Variants in IFT27 observed in about 807,000 individuals in gnomAD.
IFT27 encodes the protein intraflagellar transport 27, also known as intraflagellar transport protein 27 homolog.
IFT27 carries 19 observed loss-of-function variants against 23.9 expected under a neutral mutation model. The ratio of observed to expected loss-of-function variants is 0.79; its 90% CI spans 0.55 to 1.16. The LOEUF is 1.16. IFT27 is among the 50% of genes most tolerant of loss of function. The pLI, the probability that IFT27 is intolerant of heterozygous loss-of-function variation, is 0.00. For missense variants in IFT27, 206 were observed against 228.7 expected, an observed-to-expected ratio of 0.90 and a Z score of 0.64; for synonymous variants, 91 against 89.1, an observed-to-expected ratio of 1.02 and a Z score of -0.12.
rs536982734 is a variant in IFT27, at chr22:36,762,734, C to T, written c.462+170G>A. ...GATCTGCTTTCCTGTTATGTCTGAG[C>T]AGCTACTGCTATACTGAGAAGAGAT... is the stretch of plus-strand genomic sequence containing the variant. On this transcript the variant is annotated intron_variant, in intron 6 of 6. Transcript: ENST00000433985. 110 of 426,514 alleles carry T rather than the reference C, an allele frequency of 2.6e-4. 3 individuals carry two copies. In the South Asian group the frequency reaches 1.0e-2, roughly 39 times the overall value. 26.4% of individuals were successfully genotyped at this position (426,514 alleles called of 1,614,324 possible).
At chr22:36,773,844 G>A (rs1938440182) in intron 1 of IFT27, among the ~76,000 whole-genome samples, 1 of 152,080 alleles carries the variant, frequency 6.6e-6, no homozygotes, top group Non-Finnish European at 1.5e-5. Context: ...CTGTAAATGA[G>A]GATGGCAATA....
intron 6 of IFT27, chr22:36,761,267 G>A (rs995390965): frequency 6.6e-6 from 1 of 152,162 alleles, no homozygotes; most frequent in African/African-American, 2.4e-5. Flanking sequence ...GGAATATTGG[G>A]GTGCAGGGAC....
intron 1 of IFT27, among the ~76,000 whole-genome samples, chr22:36,775,382 C>T (rs926898686): frequency 1.3e-4 from 20 of 152,190 alleles, no homozygotes; most frequent in African/African-American, 4.3e-4. Flanking sequence ...TTTAACAAGT[C>T]TGCTTCTCCA....
At chr22:36,767,444 C>T (rs1190379621) in intron 2 of IFT27, 79 bp from the exon 3 acceptor site, 21 of 1,290,422 alleles carry the variant, frequency 1.6e-5, no homozygotes, top group Middle Eastern at 1.9e-4. Flanking sequence ...ACAAGCACCC[C>T]GATCCCAGGA....
At chr22:36,769,629 A>C (rs187143122) in intron 1 of IFT27, among the ~76,000 whole-genome samples, 1 of 152,270 alleles carries the variant, frequency 6.6e-6, no homozygotes, top group Admixed American at 6.5e-5. Context: ...TGCTGGGATT[A>C]CAGAAGTGAG....
At chr22:36,763,871 C>A in intron 5 of IFT27, 48 bp downstream of exon 5, 1 of 1,361,960 alleles carries the variant, frequency 7.3e-7, no homozygotes, top group East Asian at 2.3e-5. Context: ...GCTCTTGAAC[C>A]AAAGGACAGA....
rs528942552 is a variant in IFT27, at chr22:36,775,575, G to A, written c.34+99C>T. ...TAACTCGCCTTTGGGAGAGAGAAAG[G>A]AAAAGGTAGGCAATTTAGGTGAACA... On this transcript the variant is annotated intron_variant, in intron 1 of 6. Transcript: ENST00000433985. 201 of 1,311,292 alleles carry A rather than the reference G, an allele frequency of 1.5e-4. 1 individual carries two copies. In the South Asian group the frequency reaches 2.1e-3, roughly 14 times the overall value. 81.2% of individuals were successfully genotyped at this position (1,311,292 alleles called of 1,614,324 possible).
rs200409395 is a variant in IFT27, at chr22:36,767,865, G to A, written c.35-3C>T. 2 of 1,613,074 alleles carry A rather than the reference G, an allele frequency of 1.2e-6. No individual in the cohort carries two copies. The highest frequency in any genetic ancestry group is 2.2e-5 in the East Asian group (1 of 44,880). ...GGTCTTGCCCACTGCTGGGTCTCCT[G>A]TGAGATCAGAAAAGAAGAAAAAGAA... On this transcript the variant is annotated splice_region_variant and splice_polypyrimidine_tract_variant and intron_variant, in intron 1 of 6. Transcript: ENST00000433985.
intron 4 of IFT27, among the ~76,000 whole-genome samples, chr22:36,764,240 C>T (rs1005031951): frequency 6.6e-6 from 1 of 152,252 alleles, no homozygotes; most frequent in African/African-American, 2.4e-5. Context: ...AGGGCTGGGG[C>T]GGTGCCGCCA....
intron 1 of IFT27, among the ~76,000 whole-genome samples, chr22:36,772,081 C>T (rs1938397270): frequency 2.6e-5 from 4 of 152,238 alleles, no homozygotes; most frequent in Admixed American, 2.6e-4. Flanking sequence ...CCATTCTCTG[C>T]AAGGAAAGCT....
At chr22:36,772,181 G>A (rs1437950412) in intron 1 of IFT27, among the ~76,000 whole-genome samples, 1 of 152,162 alleles carries the variant, frequency 6.6e-6, no homozygotes, top group Non-Finnish European at 1.5e-5. Flanking sequence ...TTGCTCAGTG[G>A]TAGCGCACGA....
intron 5 of IFT27, 137 bp from the exon 6 acceptor site, chr22:36,763,150 C>CA: frequency 1.8e-6 from 1 of 540,822 alleles, no homozygotes. Context: ...TGAGCCCCCC[C>CA]ACAGGGAAAG....
chr22:36,763,154 G>A (rs1938143445), intron 5 of IFT27, 141 bp from the exon 6 acceptor site: 2 of 516,980 alleles, frequency 3.9e-6, no homozygotes, highest in South Asian at 7.9e-5. Context: ...CCCCCCCACA[G>A]GGAAAGCCGG....
rs536783071 is a variant in IFT27 at position 36,773,423 on chromosome 22, G to A, written c.34+2251C>T. Among the ~76,000 whole-genome samples, 16 of 151,428 alleles carry A rather than the reference G, an allele frequency of 1.1e-4. 1 individual carries two copies. In the South Asian group the frequency reaches 3.3e-3, roughly 32 times the overall value. ...TCCCAGCACTTTGGGAGGCCGAGGC[G>A]GGCAGATCACCTGACGTCAGGAGTT... On this transcript the variant is annotated intron_variant, in intron 1 of 6. Coordinates refer to ENST00000433985, the MANE Select transcript of IFT27 (RefSeq NM_001177701.3).
Position 36,767,795 on chromosome 22 carries a change from T to C in IFT27, c.102A>G (p.Lys34=). The C allele has an allele frequency of 6.2e-7, 1 of 1,614,122 alleles. No homozygotes were observed. The highest frequency in any genetic ancestry group is 1.1e-5 in the South Asian group (1 of 91,078). Reference sequence around the variant, plus strand: ...CACCCCAGCTCACCAGGGTGTAGCTTTTCTGGAAATGGGCTCCATCACTGC... The same window carrying C: ...CACCCCAGCTCACCAGGGTGTAGCTCTTCTGGAAATGGGCTCCATCACTGC... ...IFRSDGAHFQ[K]SYTLTTGMDL... The change falls in exon 2 of 7, where the codon AAA becomes AAG. Residue 34 remains lysine (K), a synonymous_variant. Coordinates refer to ENST00000433985, the MANE Select transcript of IFT27 (RefSeq NM_001177701.3).
intron 1 of IFT27, among the ~76,000 whole-genome samples, chr22:36,772,073 A>G (rs1938397147): frequency 6.6e-6 from 1 of 152,212 alleles, no homozygotes; most frequent in Admixed American, 6.5e-5. Flanking sequence ...AATCCTGTCC[A>G]TTCTCTGCAA....
chr22:36,766,028 G>A (rs764096235), intron 4 of IFT27, 110 bp downstream of exon 4: 4 of 884,998 alleles, frequency 4.5e-6, no homozygotes, highest in Admixed American at 1.7e-5. Flanking sequence ...GTAATGCCAT[G>A]GGAGCTTCCC....
chr22:36,768,001 C>A, intron 1 of IFT27, 139 bp from the exon 2 acceptor site: 8 of 804,386 alleles, frequency 9.9e-6, no homozygotes, highest in Non-Finnish European at 1.8e-5. Context: ...GGAACTTGTT[C>A]TGAGGCCGCG....
Position 36,775,818 on chromosome 22 carries a change from G to C in IFT27, c.-111C>G, listed in dbSNP as rs1938488356. On this transcript the variant is annotated 5_prime_UTR_variant, in exon 1 of 7. Coordinates refer to ENST00000433985, the MANE Select transcript of IFT27 (RefSeq NM_001177701.3). Reference sequence around the variant, plus strand: ...GCCTGGGACGGGAAGGTGGGGAGGGGAGGGCTGATCTCAAGGGTCAGTGGC... The same window carrying C: ...GCCTGGGACGGGAAGGTGGGGAGGGCAGGGCTGATCTCAAGGGTCAGTGGC... 11 of 1,095,488 alleles carry C rather than the reference G, an allele frequency of 1.0e-5. No homozygotes were observed. The South Asian group carries it at 1.4e-4, about 14-fold the overall frequency. The allele number at this position is 1,095,488 out of a possible 1,614,324, so 67.9% of individuals were successfully genotyped here. A position where few individuals can be genotyped will look rare whatever the true frequency, so the allele number is the denominator to read the frequency against.
Sources: allele counts gnomAD v4.1 joint callset (sites outside exome capture counted in the v4.1 genomes callset), GRCh38; gene constraint gnomAD v4.1.1; transcripts MANE v1.5; gene names NCBI Gene and HGNC (gene_info 2026-07-23, HGNC 2026-07-21).